The following EFCAB5 variants were observed in gnomAD, a reference collection of about 807,000 sequenced individuals.
EFCAB5 encodes EF-hand calcium binding domain 5.
In EFCAB5, 131 loss-of-function variants were observed where a neutral mutation model predicts 167.9. The ratio of observed to expected loss-of-function variants is 0.78; its 90% confidence interval spans 0.68 to 0.90. The LOEUF is 0.90. Among genes scored for constraint, EFCAB5 ranks in the 40% least tolerant of loss-of-function variants. The pLI is 0.00. For synonymous variants in EFCAB5, 574 were observed against 602.8 expected (o/e 0.95, Z 0.70); for missense variants, 1,663 against 1,745.2 (o/e 0.95, Z 0.84).
At chr17:29,964,888 G>T in intron 3 of EFCAB5, among the ~76,000 whole-genome samples, 1 of 149,972 alleles carries the variant, frequency 6.7e-6, no homozygotes, top group African/African-American at 2.4e-5. Context: ...AGGTGTATAG[G>T]TTACTTATTT....
At chr17:30,098,372 GAA>G (rs1055131791) in intron 22 of EFCAB5, among the ~76,000 whole-genome samples, 1 of 142,078 alleles carries the variant, frequency 7.0e-6, no homozygotes. Flanking sequence ...AAAAAACTTG[GAA>G]AAAAAAAAAA....
At chr17:29,997,899 T>C (rs1229151834) in intron 6 of EFCAB5, among the ~76,000 whole-genome samples, 1 of 151,938 alleles carries the variant, frequency 6.6e-6, no homozygotes, top group African/African-American at 2.4e-5. Context: ...TTTGGTGCTT[T>C]TGTTTTCAGA....
intron 7 of EFCAB5, among the ~76,000 whole-genome samples, chr17:30,001,404 T>C (rs2068658665): frequency 6.6e-6 from 1 of 152,254 alleles, no homozygotes; most frequent in South Asian, 2.1e-4. Flanking sequence ...TGCAAGGGAC[T>C]GATGTTCAGT....
intron 4 of EFCAB5, among the ~76,000 whole-genome samples, chr17:29,970,653 CACACACACACACACAT>C (rs1481950713): frequency 5.4e-4 from 79 of 145,544 alleles, no homozygotes; most frequent in African/African-American, 1.9e-3. Context: ...CACACACACA[CACACACACACACACAT>C]ACACACACAC....
chr17:30,070,949 CAAAAAAAA>C (rs35019863), intron 14 of EFCAB5, among the ~76,000 whole-genome samples: 22 of 60,188 alleles, frequency 3.7e-4, no homozygotes, highest in Non-Finnish European at 4.6e-4. Context: ...GATTCCATCT[CAAAAAAAA>C]AAAAAAAAAA....
intron 14 of EFCAB5, chr17:30,069,345 A>G: frequency 6.4e-7 from 1 of 1,558,042 alleles, no homozygotes; most frequent in South Asian, 1.1e-5. Context: ...CAGGAAAATC[A>G]GCGACTAATT....
chr17:30,015,604 T>G (rs1182920923), intron 7 of EFCAB5, among the ~76,000 whole-genome samples: 1 of 152,190 alleles, frequency 6.6e-6, no homozygotes, highest in Non-Finnish European at 1.5e-5. Flanking sequence ...TTGTTTCACA[T>G]CCTTGCCAAC....
chr17:29,947,713 T>G (rs1161678346), intron 3 of EFCAB5, among the ~76,000 whole-genome samples: 3 of 152,336 alleles, frequency 2.0e-5, no homozygotes, highest in African/African-American at 7.2e-5. Flanking sequence ...CCCCACCTCC[T>G]GTTTTTCTGA....
intron 7 of EFCAB5, among the ~76,000 whole-genome samples, chr17:30,031,413 C>CT (rs1449137158): frequency 6.6e-6 from 1 of 152,182 alleles, no homozygotes; most frequent in African/African-American, 2.4e-5. Flanking sequence ...GGGTTTTCTC[C>CT]TTCTAAAGTT....
intron 22 of EFCAB5, among the ~76,000 whole-genome samples, chr17:30,105,507 A>C (rs1444678857): frequency 6.6e-6 from 1 of 152,108 alleles, no homozygotes; most frequent in African/African-American, 2.4e-5. Context: ...ACAAACAAAC[A>C]AAACAAAACA....
chr17:30,004,078 A>G (rs905836641), intron 7 of EFCAB5, among the ~76,000 whole-genome samples: 1 of 152,244 alleles, frequency 6.6e-6, no homozygotes, highest in Non-Finnish European at 1.5e-5. Flanking sequence ...ACTGAATACC[A>G]GGTCACCACA....
intron 7 of EFCAB5, among the ~76,000 whole-genome samples, chr17:30,028,264 C>CT (rs1431927630): frequency 2.0e-5 from 3 of 152,194 alleles, no homozygotes; most frequent in Non-Finnish European, 4.4e-5. Flanking sequence ...GCTTCGTCAA[C>CT]TGTACCCAAA....
rs146375566 is a variant in EFCAB5 at position 30,041,347 on chromosome 17, G to A, written c.1200+6962G>A. 4.3e-4 allele frequency among the ~76,000 whole-genome samples: 66 copies of A among 152,286 alleles called. 1 individual carries two copies. In the Middle Eastern group the frequency reaches 0.014, roughly 31 times the overall value. ...TCAACTCTCATGGATGACTTTGAGA[G>A]CTTTAAGACTTCAGTAGACAAAATA... is the stretch of plus-strand genomic sequence containing the variant. On this transcript the variant is annotated intron_variant, in intron 8 of 22. Transcript: ENST00000394835.
chr17:30,048,521 G>A (rs1287168360), intron 8 of EFCAB5, among the ~76,000 whole-genome samples: 1 of 149,568 alleles, frequency 6.7e-6, no homozygotes, highest in Non-Finnish European at 1.5e-5. Flanking sequence ...GTGAGACAGA[G>A]TCTCACCCTG....
chr17:30,057,758 G>T lies in EFCAB5; in HGVS notation c.2448G>T (p.Leu816=). 1.9e-6 allele frequency: 3 copies of T among 1,613,824 alleles called. No individual in the cohort carries two copies. The highest frequency in any genetic ancestry group is 2.5e-6 in the Non-Finnish European group (3 of 1,179,784). Residue 816 remains leucine (L), a synonymous_variant, in exon 13 of 23, where the codon CTG becomes CTT. Coordinates refer to ENST00000394835, the MANE Select transcript of EFCAB5 (RefSeq NM_198529.4). ...RTAFNGVSFN[L]LQFVQLLETF... is the part of the protein sequence containing the mutation. ...CCTTCAATGGAGTTTCATTCAATCT[G>T]CTCCAGTTTGTGCAACTCCTGGAGA... is the stretch of plus-strand genomic sequence containing the variant.
chr17:29,947,776 G>A (rs1429690713), intron 3 of EFCAB5, among the ~76,000 whole-genome samples: 1 of 151,916 alleles, frequency 6.6e-6, no homozygotes, highest in Non-Finnish European at 1.5e-5. Flanking sequence ...CATATACTTT[G>A]CCTTTACCTT....
upstream of EFCAB5, among the ~76,000 whole-genome samples, chr17:29,937,157 A>G (rs1446128988): frequency 6.6e-6 from 1 of 152,112 alleles, no homozygotes; most frequent in African/African-American, 2.4e-5. Flanking sequence ...AGGCAAGTTA[A>G]ATTGGTGTGA....
At chr17:29,972,652 G>GT (rs1855143295) in intron 4 of EFCAB5, 1 of 163,110 alleles carries the variant, frequency 6.1e-6, no homozygotes, top group East Asian at 1.7e-4. Flanking sequence ...TTGGGGTCTT[G>GT]TGGCGGCCTG....
chr17:29,976,110 C>T (rs931470204), intron 4 of EFCAB5, among the ~76,000 whole-genome samples: 8 of 152,236 alleles, frequency 5.3e-5, no homozygotes, highest in African/African-American at 1.9e-4. Flanking sequence ...AATCTGTGAA[C>T]TGATTTTGTC....
Sources: allele counts gnomAD v4.1 joint callset (sites outside exome capture counted in the v4.1 genomes callset), GRCh38; gene constraint gnomAD v4.1.1; transcripts MANE v1.5; gene names NCBI Gene and HGNC (gene_info 2026-07-23, HGNC 2026-07-21).